Variants in CSNK1G2 observed in about 807,000 individuals in gnomAD.
The protein encoded by CSNK1G2 is casein kinase 1 gamma 2.
A neutral mutation model predicts 48.0 loss-of-function variants in CSNK1G2; 11 were observed. That is an observed-to-expected ratio of 0.23 (90% CI 0.14 to 0.38). CSNK1G2 has a LOEUF of 0.38. Among genes scored for constraint, CSNK1G2 ranks in the 10% least tolerant of loss-of-function variants. CSNK1G2 has a pLI of 1.00. For synonymous variants in CSNK1G2, 337 were observed against 254.1 expected, an observed-to-expected ratio of 1.33 and a Z score of -3.10; for missense variants, 446 against 595.5, an observed-to-expected ratio of 0.75 and a Z score of 2.61.
Position 1,978,982 on chromosome 19 carries a change from C to G in CSNK1G2, c.571C>G (p.Leu191Val). The change falls in exon 6 of 12, where the codon CTG (leucine) becomes GTG (valine). Residue 191 changes from leucine to valine, a missense_variant. This residue lies in a region of CSNK1G2 where 258 missense variants were observed against 415.9 expected (regional missense o/e 0.62). Coordinates refer to ENST00000255641, the MANE Select transcript of CSNK1G2 (RefSeq NM_001319.7). The surrounding 1 kb of genome is among the most constrained non-coding windows in gnomAD (Gnocchi z 7.3). ...TGCCATCCACATCATCGACTTCGGG[C>G]TGGCCAAGGAGTACATCGACCCCGA... ...QHAIHIIDFG[L>V]AKEYIDPETK... 1 of 1,599,694 alleles carries G rather than the reference C, an allele frequency of 6.3e-7. No homozygotes were observed. The highest frequency in any genetic ancestry group is 8.5e-7 in the Non-Finnish European group (1 of 1,179,676).
chr19:1,952,149 G>A (rs527413536), intron 1 of CSNK1G2, among the ~76,000 whole-genome samples: 27 of 152,306 alleles, frequency 1.8e-4, no homozygotes, highest in Non-Finnish European at 3.2e-4. Context: ...GAAAGGGGTC[G>A]TGATGGTCAC....
intron 10 of CSNK1G2, 29 bp downstream of exon 10, chr19:1,979,864 A>G (rs1247573310): frequency 9.4e-6 from 15 of 1,603,400 alleles, no homozygotes; most frequent in Non-Finnish European, 1.2e-5. Context: ...CGACCGCCCC[A>G]GGGAGGGGCA....
intron 2 of CSNK1G2, among the ~76,000 whole-genome samples, chr19:1,973,669 C>T (rs1423536963): frequency 6.6e-6 from 1 of 152,220 alleles, no homozygotes; most frequent in Non-Finnish European, 1.5e-5. Context: ...TCTTTTTCTG[C>T]AGCCTCCAAC....
chr19:1,973,522 C>G (rs999327313), intron 2 of CSNK1G2, among the ~76,000 whole-genome samples: 8 of 152,226 alleles, frequency 5.3e-5, no homozygotes, highest in Non-Finnish European at 1.0e-4. Flanking sequence ...GCTCTCATTC[C>G]TGGGTTCTGG....
At chr19:1,979,889 G>T in intron 10 of CSNK1G2, 22 bp from the exon 11 acceptor site, 1 of 1,606,692 alleles carries the variant, frequency 6.2e-7, no homozygotes, top group Admixed American at 1.7e-5. Context: ...CGGCCAGCGT[G>T]ACCCCCTACT....
At chr19:1,970,916 T>C (rs1481031135) in intron 2 of CSNK1G2, among the ~76,000 whole-genome samples, 1 of 152,132 alleles carries the variant, frequency 6.6e-6, no homozygotes, top group Non-Finnish European at 1.5e-5. Flanking sequence ...TGGCAGGCAC[T>C]CAGCCCGATG....
chr19:1,961,488 G>C (rs1262299722), intron 1 of CSNK1G2, among the ~76,000 whole-genome samples: 1 of 152,250 alleles, frequency 6.6e-6, no homozygotes, highest in Non-Finnish European at 1.5e-5. Context: ...CGTTTCTCCA[G>C]AAGGCCCTGC....
intron 2 of CSNK1G2, among the ~76,000 whole-genome samples, chr19:1,977,018 C>T (rs1460648278): frequency 1.3e-5 from 2 of 152,222 alleles, no homozygotes; most frequent in Admixed American, 1.3e-4. Flanking sequence ...GGATTACAGG[C>T]ATAAGCCACC....
Position 1,978,482 on chromosome 19 carries a change from A to G in CSNK1G2, c.269A>G (p.Tyr90Cys). 1 of 1,601,540 alleles carries G rather than the reference A, an allele frequency of 6.2e-7. No homozygotes were observed. Among genetic ancestry groups the G allele is most frequent in the Non-Finnish European group, 8.5e-7 (1 of 1,174,930 alleles). ...KSRAPQLHLE[Y>C]RFYKQLSATE... ...CGGGCCCCGCAGCTGCACCTGGAGTACCGGTTCTACAAGCAGCTCAGCGCC... is the reference window on the plus strand; with the variant it reads ...CGGGCCCCGCAGCTGCACCTGGAGTGCCGGTTCTACAAGCAGCTCAGCGCC... The change falls in exon 4 of 12, where the codon TAC (tyrosine) becomes TGC (cysteine). Residue 90 changes from tyrosine (Y) to cysteine (C), a missense_variant. Tyr to Cys is a radical substitution (Grantham distance 194). Around this residue, in one of 2 missense-constraint regions of CSNK1G2, gnomAD observed 258 missense variants for 415.9 expected, o/e 0.62. Transcript: ENST00000255641. This position sits in a 1 kb window ranked among gnomAD's most constrained non-coding sequence, Gnocchi z 7.3.
At chr19:1,958,213 C>T (rs1011652354) in intron 1 of CSNK1G2, among the ~76,000 whole-genome samples, 29 of 151,822 alleles carry the variant, frequency 1.9e-4, no homozygotes, top group Non-Finnish European at 3.5e-4. Flanking sequence ...AAAGCCTGTG[C>T]CCCTGATGTC....
intron 1 of CSNK1G2, among the ~76,000 whole-genome samples, chr19:1,959,044 G>T (rs1265522198): frequency 6.7e-6 from 1 of 150,372 alleles, no homozygotes; most frequent in African/African-American, 2.5e-5. Flanking sequence ...GGTGCGAGTT[G>T]GTTTTTGTAT....
intron 1 of CSNK1G2, among the ~76,000 whole-genome samples, chr19:1,942,254 G>C (rs949928822): frequency 5.9e-5 from 9 of 152,204 alleles, no homozygotes; most frequent in African/African-American, 2.2e-4. Flanking sequence ...CCCGATCCCC[G>C]CCTGGCTCCT....
intron 2 of CSNK1G2, among the ~76,000 whole-genome samples, chr19:1,972,155 A>G (rs964811254): frequency 5.3e-5 from 8 of 152,312 alleles, no homozygotes; most frequent in Non-Finnish European, 1.0e-4. Context: ...GCAGCCGCAC[A>G]TCGTGGTTTC....
chr19:1,952,809 G>T, intron 1 of CSNK1G2: 1 of 328,044 alleles, frequency 3.0e-6, no homozygotes, highest in Non-Finnish European at 6.1e-6. Context: ...AAGCCCTCTC[G>T]CCTAGGGCTC....
At chr19:1,953,591 G>T in intron 1 of CSNK1G2, 1 of 462,312 alleles carries the variant, frequency 2.2e-6, no homozygotes. Context: ...TTTGCCTTAT[G>T]TGTCCGGTGC....
intron 2 of CSNK1G2, chr19:1,974,998 T>C (rs955607947): frequency 2.2e-6 from 2 of 921,972 alleles, no homozygotes; most frequent in Admixed American, 1.2e-4. Flanking sequence ...CCTCCAGGAG[T>C]CTGCAGATCC....
At chr19:1,949,804 C>T (rs1249209121) in intron 1 of CSNK1G2, among the ~76,000 whole-genome samples, 1 of 152,230 alleles carries the variant, frequency 6.6e-6, no homozygotes, top group Non-Finnish European at 1.5e-5. Context: ...TGTCCTTCGG[C>T]CCGATGCTTC....
At chr19:1,951,218 A>G (rs1222241483) in intron 1 of CSNK1G2, among the ~76,000 whole-genome samples, 2 of 144,662 alleles carry the variant, frequency 1.4e-5, no homozygotes, top group Non-Finnish European at 3.0e-5. Flanking sequence ...TGGCTCTACT[A>G]AAATACCCTG....
Position 1,978,696 on chromosome 19 carries a change from C to T in CSNK1G2, c.393C>T (p.Asp131=), listed in dbSNP as rs933735468. The T allele has an allele frequency of 3.7e-6, 6 of 1,605,858 alleles. 1 individual carries two copies. The highest frequency in any genetic ancestry group is 2.2e-5 in the East Asian group (1 of 44,578). ...LLGPSLEDLF[D]LCDRTFTLKT... ...GGCCCAGCCTGGAGGACCTGTTCGA[C>T]CTGTGCGACCGGACCTTCACGCTCA... The change falls in exon 5 of 12, where the codon GAC becomes GAT. Residue 131 remains aspartate (D), a synonymous_variant. Coordinates refer to ENST00000255641, the MANE Select transcript of CSNK1G2 (RefSeq NM_001319.7). The surrounding 1 kb of genome is among the most constrained non-coding windows in gnomAD (Gnocchi z 7.3).
Sources: allele counts gnomAD v4.1 joint callset (sites outside exome capture counted in the v4.1 genomes callset), GRCh38; gene constraint gnomAD v4.1.1; regional missense constraint gnomAD v4.1.1; non-coding constraint Gnocchi (gnomAD v3.1); transcripts MANE v1.5; gene names NCBI Gene and HGNC (gene_info 2026-07-23, HGNC 2026-07-21).